The following WHRN variants were observed in gnomAD, a reference collection of about 807,000 sequenced individuals.
WHRN encodes whirlin.
A neutral mutation model predicts 68.3 loss-of-function variants in WHRN; 41 were observed. The observed-to-expected ratio is 0.60, with a 90% confidence interval of 0.47 to 0.78. WHRN has a LOEUF of 0.78. WHRN is among the 30% of genes least tolerant of loss of function. WHRN has a pLI of 0.00. For missense variants in WHRN, 1,243 were observed against 1,244.7 expected (o/e 1.00, Z 0.02); for synonymous variants, 560 against 561.3 (o/e 1.00, Z 0.03).
At chr9:114,419,045 A>T (rs1836042575) in intron 7 of WHRN, among the ~76,000 whole-genome samples, 1 of 152,152 alleles carries the variant, frequency 6.6e-6, no homozygotes, top group African/African-American at 2.4e-5. Flanking sequence ...GGGAGGAGAG[A>T]GGCAGATAGA....
intron 3 of WHRN, among the ~76,000 whole-genome samples, chr9:114,455,839 A>G (rs1422548477): frequency 6.6e-6 from 1 of 152,206 alleles, no homozygotes; most frequent in African/African-American, 2.4e-5. Context: ...AATATTGTAA[A>G]TCAAAAATGC....
chr9:114,402,700 A>AAGGGACTGGGACC lies in WHRN; in HGVS notation c.*41_*53dup. 6.2e-7 allele frequency: 1 copy of AAGGGACTGGGACC among 1,609,402 alleles called. No individual in the cohort carries two copies. The highest frequency in any genetic ancestry group is 1.7e-5 in the Admixed American group (1 of 60,032). On this transcript the variant is annotated 3_prime_UTR_variant, in exon 12 of 12. Transcript: ENST00000362057. ...GGAGCTTGATGAAGCCAACGGTGGA[A>AAGGGACTGGGACC]AGGGACTGGGACCAGGGGCTGGGCA...
At chr9:114,409,652 A>C (rs1262756461) in intron 7 of WHRN, among the ~76,000 whole-genome samples, 4 of 151,820 alleles carry the variant, frequency 2.6e-5, no homozygotes, top group Admixed American at 2.6e-4. Context: ...CCAGGCTGGA[A>C]CACCACGGAT....
Position 114,406,397 on chromosome 9 carries a change from C to G in WHRN, c.2194G>C (p.Glu732Gln), listed in dbSNP as rs142857132. The G allele has an allele frequency of 6.2e-7, 1 of 1,614,062 alleles. No individual in the cohort carries two copies. The highest frequency in any genetic ancestry group is 8.5e-7 in the Non-Finnish European group (1 of 1,180,062). ...VMVEVHRPDS[E>Q]PDVNEVRALP... is the part of the protein sequence containing the mutation. Reference sequence around the variant, plus strand: ...GCCCTCACTTCATTGACGTCTGGCTCGCTGTCGGGGCGGTGGACCTCCACC... The same window carrying G: ...GCCCTCACTTCATTGACGTCTGGCTGGCTGTCGGGGCGGTGGACCTCCACC... Residue 732 changes from glutamate to glutamine, a missense_variant, in exon 9 of 12, where the codon GAG (glutamate) becomes CAG (glutamine). Transcript: ENST00000362057.
intron 3 of WHRN, among the ~76,000 whole-genome samples, chr9:114,440,489 T>A (rs1166871371): frequency 6.6e-6 from 1 of 152,162 alleles, no homozygotes; most frequent in East Asian, 1.9e-4. Context: ...TCCGCCCACT[T>A]CGGCCTCCCA....
chr9:114,403,954 C>A lies in WHRN; in HGVS notation c.2360G>T (p.Ser787Ile), dbSNP rs1158866532. The A allele has an allele frequency of 6.2e-7, 1 of 1,611,618 alleles. No individual in the cohort carries two copies. Among genetic ancestry groups the A allele is most frequent in the Non-Finnish European group, 8.5e-7 (1 of 1,180,026 alleles). ...CCGAGGCAGCTCCTTGCTACTCCTG[C>A]TCTTGGTGGACACCGACTGCCTTCC... ...GRGRQSVSTK[S>I]RSSKELPRNE... The change falls in exon 10 of 12, where the codon AGC (serine) becomes ATC (isoleucine). Residue 787 changes from serine to isoleucine, a missense_variant. Physicochemically the swap from Ser to Ile is moderately radical, Grantham distance 142. Coordinates refer to ENST00000362057, the MANE Select transcript of WHRN (RefSeq NM_015404.4).
chr9:114,442,424 C>T (rs1180798450), intron 3 of WHRN, among the ~76,000 whole-genome samples: 1 of 152,158 alleles, frequency 6.6e-6, no homozygotes, highest in Non-Finnish European at 1.5e-5. Context: ...AGATAGACAA[C>T]TCCAATGCTT....
chr9:114,420,595 T>G (rs369826432), intron 7 of WHRN, among the ~76,000 whole-genome samples: 6 of 152,096 alleles, frequency 3.9e-5, no homozygotes, highest in African/African-American at 1.4e-4. Context: ...GGAAGGGAGC[T>G]CTGGACTGTG....
chr9:114,422,526 G>A (rs1025726811), intron 7 of WHRN, among the ~76,000 whole-genome samples: 1 of 152,192 alleles, frequency 6.6e-6, no homozygotes, highest in African/African-American at 2.4e-5. Context: ...TGGGGGGCTG[G>A]TGAGTCTGCA....
At chr9:114,468,147 A>T (rs1840884660) in intron 2 of WHRN, among the ~76,000 whole-genome samples, 1 of 152,118 alleles carries the variant, frequency 6.6e-6, no homozygotes, top group Admixed American at 6.5e-5. Context: ...CAGCCTCCTC[A>T]CCTGAAAATG....
chr9:114,438,995 G>A (rs560881418), intron 3 of WHRN, among the ~76,000 whole-genome samples: 2 of 152,218 alleles, frequency 1.3e-5, no homozygotes, highest in East Asian at 1.9e-4. Flanking sequence ...TCCAGGATAC[G>A]GTGAAGAAAA....
intron 3 of WHRN, among the ~76,000 whole-genome samples, chr9:114,438,711 A>T (rs1353320206): frequency 1.3e-5 from 2 of 151,976 alleles, no homozygotes; most frequent in African/African-American, 4.8e-5. Context: ...TTGGCCTCCC[A>T]AAGTGCTGGG....
At chr9:114,474,546 C>G (rs1564199778) in intron 2 of WHRN, among the ~76,000 whole-genome samples, 1 of 152,152 alleles carries the variant, frequency 6.6e-6, no homozygotes, top group Non-Finnish European at 1.5e-5. Context: ...CTCTCTCTAA[C>G]CTCTGGATAC....
At chr9:114,473,149 G>C (rs1357228858) in intron 2 of WHRN, among the ~76,000 whole-genome samples, 3 of 152,234 alleles carry the variant, frequency 2.0e-5, no homozygotes, top group African/African-American at 4.8e-5. Flanking sequence ...AGAGTAAGGG[G>C]CCGTGGGACA....
Position 114,492,518 on chromosome 9 carries a change from A to G in WHRN, c.618+11666T>C, listed in dbSNP as rs543980579. On this transcript the variant is annotated intron_variant, in intron 1 of 11. Coordinates refer to ENST00000362057, the MANE Select transcript of WHRN (RefSeq NM_015404.4). ...TCGCTTGGTGTAACGAATAGGCTAGATAACGATGCTCAGAATGGCAGCTTT... is the reference window on the plus strand; with the variant it reads ...TCGCTTGGTGTAACGAATAGGCTAGGTAACGATGCTCAGAATGGCAGCTTT... 2.0e-5 allele frequency among the ~76,000 whole-genome samples: 3 copies of G among 152,342 alleles called. No individual in the cohort carries two copies. The South Asian group carries it at 6.2e-4, about 32-fold the overall frequency.
intron 7 of WHRN, among the ~76,000 whole-genome samples, chr9:114,411,606 C>G (rs1205977649): frequency 6.6e-6 from 1 of 152,188 alleles, no homozygotes; most frequent in Non-Finnish European, 1.5e-5. Flanking sequence ...TCCAGGGAAG[C>G]TCAGGGAGGG....
At chr9:114,424,909 C>G (rs1388028494) in intron 5 of WHRN, 79 bp downstream of exon 5, 4 of 1,489,452 alleles carry the variant, frequency 2.7e-6, no homozygotes, top group Non-Finnish European at 3.7e-6. Context: ...GTAAGTCACT[C>G]GGCACCCTCT....
chr9:114,426,271 A>C lies in WHRN; in HGVS notation c.1106T>G (p.Val369Gly). 6.2e-7 allele frequency: 1 copy of C among 1,613,220 alleles called. No individual in the cohort carries two copies. The highest frequency in any genetic ancestry group is 8.5e-7 in the Non-Finnish European group (1 of 1,180,034). The change falls in exon 4 of 12, where the codon GTG (valine) becomes GGG (glycine). Residue 369 changes from valine (V) to glycine (G), a missense_variant. Val to Gly is a moderately radical substitution (Grantham distance 109). Coordinates refer to ENST00000362057, the MANE Select transcript of WHRN (RefSeq NM_015404.4). ...VGRLPHARTTVDETKWIASSR... is the reference protein window; with the variant it reads ...VGRLPHARTTGDETKWIASSR... ...ACTGGCGATCCACTTGGTCTCGTCC[A>C]CAGTGGTGCGGGCATGGGGCAGCCT...
At chr9:114,503,729 T>G (rs556045218) in intron 1 of WHRN, 2 of 189,218 alleles carry the variant, frequency 1.1e-5, no homozygotes, top group African/African-American at 4.8e-5. Flanking sequence ...GTCAAGCCAG[T>G]GCACTGTGGA....
Sources: allele counts gnomAD v4.1 joint callset (sites outside exome capture counted in the v4.1 genomes callset), GRCh38; gene constraint gnomAD v4.1.1; transcripts MANE v1.5; gene names NCBI Gene and HGNC (gene_info 2026-07-23, HGNC 2026-07-21).